The following BRD10 variants were observed in gnomAD, a reference collection of about 807,000 sequenced individuals.
BRD10 encodes the protein uncharacterized bromodomain-containing protein 10.
chr9:5,917,098 A>T, the BRD10 span, among the ~76,000 whole-genome samples: 8 of 152,246 alleles, frequency 5.3e-5, no homozygotes, highest in Non-Finnish European at 7.3e-5. Context: ...CAACAAATAT[A>T]CATTGAATAC....
the BRD10 span, among the ~76,000 whole-genome samples, chr9:5,918,161 C>A: frequency 6.6e-6 from 1 of 152,116 alleles, no homozygotes; most frequent in Non-Finnish European, 1.5e-5. Context: ...GTACTTAGAG[C>A]ATAAATAGCG....
chr9:5,949,162 A>G, the BRD10 span, among the ~76,000 whole-genome samples: 1 of 152,300 alleles, frequency 6.6e-6, no homozygotes, highest in Non-Finnish European at 1.5e-5. Flanking sequence ...GCAATTCAAA[A>G]TAATGATATA....
the BRD10 span, among the ~76,000 whole-genome samples, chr9:5,986,530 G>A: frequency 3.9e-5 from 6 of 152,252 alleles, no homozygotes; most frequent in South Asian, 1.2e-3. Flanking sequence ...AGATCTTTCA[G>A]GAATCATCAT....
chr9:5,897,502 A>G, the BRD10 span: 3 of 1,481,052 alleles, frequency 2.0e-6, no homozygotes, highest in Non-Finnish European at 2.8e-6. Flanking sequence ...ATGCTTCATC[A>G]TAATGTAGAA....
the BRD10 span, chr9:5,954,000 A>C: frequency 2.0e-6 from 3 of 1,493,206 alleles, no homozygotes; most frequent in Admixed American, 2.0e-5. Context: ...TTTCGAGACA[A>C]AGTTGAAACA....
At chr9:5,932,027 G>C in the BRD10 span, among the ~76,000 whole-genome samples, 7 of 152,198 alleles carry the variant, frequency 4.6e-5, no homozygotes, top group African/African-American at 1.4e-4. Flanking sequence ...TAATGACACT[G>C]TCCCTTTCTA....
At chr9:6,007,664 C>T in the BRD10 span, 29 of 1,606,242 alleles carry the variant, frequency 1.8e-5, no homozygotes, top group South Asian at 2.4e-4. Context: ...CTTCCGTGGG[C>T]CGGCCCTGAG....
chr9:5,913,502 C>T, the BRD10 span, among the ~76,000 whole-genome samples: 1 of 152,068 alleles, frequency 6.6e-6, no homozygotes, highest in Non-Finnish European at 1.5e-5. Flanking sequence ...TCTAAAAGCG[C>T]TATCCCAAGA....
chr9:5,919,528 GAA>G, the BRD10 span: 12 of 403,350 alleles, frequency 3.0e-5, no homozygotes, highest in African/African-American at 1.6e-4. Context: ...GCAAGCTAAT[GAA>G]AAGATACATT....
the BRD10 span, chr9:5,969,507 T>C: frequency 9.4e-7 from 1 of 1,063,332 alleles, no homozygotes; most frequent in Non-Finnish European, 1.3e-6. Flanking sequence ...TTAAGTATAT[T>C]TATCTTTAGC....
chr9:5,970,824 G>A, the BRD10 span, among the ~76,000 whole-genome samples: 2 of 152,164 alleles, frequency 1.3e-5, no homozygotes, highest in Admixed American at 1.3e-4. Flanking sequence ...GCTGAGGCGA[G>A]TGGATCATCT....
chr9:6,007,149 T>G, the BRD10 span: 2 of 1,560,962 alleles, frequency 1.3e-6, no homozygotes, highest in Non-Finnish European at 1.8e-6. Flanking sequence ...TGTGAGTGTG[T>G]GTTTGTGTCA....
chr9:5,977,775 C>T, the BRD10 span, among the ~76,000 whole-genome samples: 1 of 152,106 alleles, frequency 6.6e-6, no homozygotes, highest in Non-Finnish European at 1.5e-5. Flanking sequence ...GCAGAGCTTG[C>T]AGTGAACCAA....
chr9:5,954,499 A>G, the BRD10 span, among the ~76,000 whole-genome samples: 1 of 152,246 alleles, frequency 6.6e-6, no homozygotes, highest in Non-Finnish European at 1.5e-5. Context: ...TAAGAACTAC[A>G]GCTGAAGACT....
chr9:5,913,577 TAAAG>T, the BRD10 span, among the ~76,000 whole-genome samples: 1 of 152,142 alleles, frequency 6.6e-6, no homozygotes. Context: ...CTTGAAAACA[TAAAG>T]AGGTTGTAAA....
chr9:5,902,560 G>A, the BRD10 span, among the ~76,000 whole-genome samples: 2 of 151,768 alleles, frequency 1.3e-5, no homozygotes, highest in South Asian at 4.2e-4. Flanking sequence ...GAACTCCTGG[G>A]CTCAAGCACT....
the BRD10 span, chr9:5,908,976 A>T: frequency 2.4e-6 from 1 of 411,410 alleles, no homozygotes; most frequent in Non-Finnish European, 4.4e-6. Context: ...TAGTAAATCC[A>T]TGGTGTTATT....
the BRD10 span, chr9:5,954,127 T>C: frequency 3.2e-6 from 4 of 1,238,630 alleles, no homozygotes; most frequent in Non-Finnish European, 4.6e-6. Context: ...ACCTTCATAA[T>C]GCTGTTTATA....
chr9:5,886,824 C>T, the BRD10 span, among the ~76,000 whole-genome samples: 2 of 152,176 alleles, frequency 1.3e-5, no homozygotes, highest in Non-Finnish European at 2.9e-5. Flanking sequence ...GCCCAGGGAA[C>T]CCCTATTTGA....
Sources: allele counts gnomAD v4.1 joint callset (sites outside exome capture counted in the v4.1 genomes callset), GRCh38; gene constraint gnomAD v4.1.1; transcripts MANE v1.5; gene names NCBI Gene and HGNC (gene_info 2026-07-23, HGNC 2026-07-21).